Variants in COMMD1 observed in about 807,000 individuals in gnomAD.
COMMD1 encodes the protein copper metabolism domain containing 1, also known as COMM domain-containing protein 1.
A neutral mutation model predicts 17.2 loss-of-function variants in COMMD1; 10 were observed. The ratio of observed to expected loss-of-function variants is 0.58; its 90% CI spans 0.36 to 0.99. COMMD1 has a LOEUF of 0.99. Ranked by LOEUF, COMMD1 falls within the 50% of genes least tolerant of loss-of-function variation. The pLI is 0.01. For synonymous variants in COMMD1, 97 were observed against 91.6 expected (o/e 1.06, Z -0.34); for missense variants, 270 against 231.8 (o/e 1.17, Z -1.07).
At chr2:62,068,653 C>A (rs1423994736) in intron 2 of COMMD1, among the ~76,000 whole-genome samples, 1 of 119,510 alleles carries the variant, frequency 8.4e-6, no homozygotes, top group East Asian at 2.5e-4. Flanking sequence ...TTGACCGAGT[C>A]TCACTCTGTC....
At chr2:62,038,494 T>C (rs1670100891) in intron 2 of COMMD1, among the ~76,000 whole-genome samples, 1 of 152,154 alleles carries the variant, frequency 6.6e-6, no homozygotes, top group Non-Finnish European at 1.5e-5. Flanking sequence ...TAGGCATGAT[T>C]GTTTCTTTTT....
At chr2:62,086,660 C>G (rs1558593043) in intron 2 of COMMD1, among the ~76,000 whole-genome samples, 2 of 152,114 alleles carry the variant, frequency 1.3e-5, no homozygotes, top group African/African-American at 4.8e-5. Context: ...GGACACACTA[C>G]CATTTATTAT....
At chr2:62,133,543 T>G (rs1042714910) in intron 2 of COMMD1, among the ~76,000 whole-genome samples, 2 of 149,622 alleles carry the variant, frequency 1.3e-5, no homozygotes, top group African/African-American at 4.9e-5. Context: ...GCACACAAGC[T>G]TAACAGAAAA....
chr2:61,990,875 T>A, intron 1 of COMMD1, among the ~76,000 whole-genome samples: 1 of 92,386 alleles, frequency 1.1e-5, no homozygotes, highest in Non-Finnish European at 1.9e-5. Flanking sequence ...ACTCTGTCTT[T>A]ACAAAAAAAA....
intron 2 of COMMD1, among the ~76,000 whole-genome samples, chr2:62,121,092 A>G (rs1252146085): frequency 6.6e-6 from 1 of 152,064 alleles, no homozygotes; most frequent in African/African-American, 2.4e-5. Flanking sequence ...CCTAAAGGCC[A>G]GGCACAGTGG....
At chr2:61,931,273 C>T (rs1422431380) in intron 1 of COMMD1, among the ~76,000 whole-genome samples, 2 of 152,070 alleles carry the variant, frequency 1.3e-5, no homozygotes, top group Non-Finnish European at 2.9e-5. Flanking sequence ...GATCATGCCA[C>T]TGCACTCCAA....
intron 2 of COMMD1, among the ~76,000 whole-genome samples, chr2:62,020,192 A>G (rs1413402866): frequency 6.6e-6 from 1 of 152,210 alleles, no homozygotes; most frequent in Non-Finnish European, 1.5e-5. Context: ...CCAAGATGCA[A>G]TGATTGGTCA....
chr2:61,914,347 T>G (rs2105183339), intron 1 of COMMD1, among the ~76,000 whole-genome samples: 1 of 152,218 alleles, frequency 6.6e-6, no homozygotes, highest in South Asian at 2.1e-4. Context: ...ACCTCTAGCC[T>G]GGCCAGCATA....
intron 2 of COMMD1, among the ~76,000 whole-genome samples, chr2:62,084,244 T>C (rs191755546): frequency 5.9e-4 from 90 of 152,288 alleles, no homozygotes; most frequent in African/African-American, 1.9e-3. Context: ...AATCTACATA[T>C]AATTTTGACT....
At chr2:61,932,740 C>G (rs1379555528) in intron 1 of COMMD1, among the ~76,000 whole-genome samples, 1 of 152,172 alleles carries the variant, frequency 6.6e-6, no homozygotes, top group African/African-American at 2.4e-5. Flanking sequence ...GCCCAAACCC[C>G]TTGCATGAGG....
intron 2 of COMMD1, among the ~76,000 whole-genome samples, chr2:62,071,785 G>C (rs1036672013): frequency 1.3e-5 from 2 of 152,180 alleles, no homozygotes; most frequent in African/African-American, 4.8e-5. Flanking sequence ...TCCCAGCCAT[G>C]ATAGGAAGGA....
chr2:61,903,934 A>G (rs1436948641), upstream of COMMD1, among the ~76,000 whole-genome samples: 1 of 152,212 alleles, frequency 6.6e-6, no homozygotes, highest in Non-Finnish European at 1.5e-5. Context: ...ACGTTCATAA[A>G]GGTGAAAAAC....
chr2:62,041,894 A>G (rs1670217263), intron 2 of COMMD1, among the ~76,000 whole-genome samples: 1 of 152,208 alleles, frequency 6.6e-6, no homozygotes. Flanking sequence ...TGCAGACCCA[A>G]AGAGTGAGCA....
intron 2 of COMMD1, among the ~76,000 whole-genome samples, chr2:62,076,044 C>T (rs971354792): frequency 1.3e-5 from 2 of 152,178 alleles, no homozygotes; most frequent in Non-Finnish European, 2.9e-5. Context: ...ATTCCTTTCC[C>T]AGTGTCTTAG....
intron 2 of COMMD1, among the ~76,000 whole-genome samples, chr2:62,034,224 C>G (rs1301135979): frequency 1.3e-5 from 2 of 151,972 alleles, no homozygotes. Context: ...CACACTTGGC[C>G]GGGCATGGTG....
intron 2 of COMMD1, among the ~76,000 whole-genome samples, chr2:62,019,699 A>G (rs1377501914): frequency 6.6e-6 from 1 of 152,198 alleles, no homozygotes; most frequent in East Asian, 1.9e-4. Flanking sequence ...CGATAGATGC[A>G]ATCCACATGT....
At chr2:62,110,789 G>T (rs1040439395) in intron 2 of COMMD1, among the ~76,000 whole-genome samples, 2 of 151,976 alleles carry the variant, frequency 1.3e-5, no homozygotes, top group Non-Finnish European at 2.9e-5. Context: ...CTGGGACACC[G>T]TTCAAAAAAT....
At chr2:62,025,824 G>T (rs1262849526) in intron 2 of COMMD1, among the ~76,000 whole-genome samples, 1 of 152,104 alleles carries the variant, frequency 6.6e-6, no homozygotes, top group Non-Finnish European at 1.5e-5. Flanking sequence ...GAGTAGCTGG[G>T]ATTACAGACA....
intron 1 of COMMD1, among the ~76,000 whole-genome samples, chr2:61,983,842 T>C (rs1672025226): frequency 6.6e-6 from 1 of 152,216 alleles, no homozygotes; most frequent in South Asian, 2.1e-4. Flanking sequence ...ATTTTTGCTC[T>C]GATCTTTATT....
Sources: allele counts gnomAD v4.1 joint callset (sites outside exome capture counted in the v4.1 genomes callset), GRCh38; gene constraint gnomAD v4.1.1; transcripts MANE v1.5; gene names NCBI Gene and HGNC (gene_info 2026-07-23, HGNC 2026-07-21).